P3H2: variants seen among roughly 807,000 people sequenced by gnomAD.
The protein encoded by P3H2 is leprecan-like 1.
In P3H2, 80 loss-of-function variants were observed where a neutral mutation model predicts 87.0. The observed-to-expected ratio is 0.92, with a 90% CI of 0.77 to 1.11. P3H2 has a LOEUF of 1.11. Among genes scored for constraint, P3H2 ranks in the 50% least tolerant of loss-of-function variants. The pLI is 0.00. For missense variants in P3H2, 1,001 were observed against 923.9 expected (o/e 1.08, Z -1.08); for synonymous variants, 367 against 359.3 (o/e 1.02, Z -0.24).
chr3:190,004,422 G>C (rs1260382557), intron 1 of P3H2, among the ~76,000 whole-genome samples: 2 of 151,838 alleles, frequency 1.3e-5, no homozygotes, highest in Non-Finnish European at 2.9e-5. Context: ...TCGCTCTGTC[G>C]CCCAGGCTGG....
At chr3:190,096,269 G>A (rs1306641476) in intron 1 of P3H2, among the ~76,000 whole-genome samples, 1 of 152,174 alleles carries the variant, frequency 6.6e-6, no homozygotes, top group African/African-American at 2.4e-5. Context: ...ATGTTGAACT[G>A]GAGAAGGGGC....
intron 1 of P3H2, among the ~76,000 whole-genome samples, chr3:190,044,730 T>A (rs1725746214): frequency 6.6e-6 from 1 of 152,162 alleles, no homozygotes; most frequent in African/African-American, 2.4e-5. Context: ...TGATTGTACT[T>A]GGAAAGTGAA....
chr3:190,069,025 G>T (rs2108971678), intron 1 of P3H2, among the ~76,000 whole-genome samples: 1 of 152,198 alleles, frequency 6.6e-6, no homozygotes, highest in Middle Eastern at 3.4e-3. Flanking sequence ...TATGAGTGAG[G>T]TCAGTATTTT....
Position 190,078,636 on chromosome 3 carries a change from T to C in P3H2, c.480+41616A>G, listed in dbSNP as rs79557671. ...AGACATACTATGACCCAATGGCATATATATTCACAAACTGGAAAAGGACAC... is the reference window on the plus strand; with the variant it reads ...AGACATACTATGACCCAATGGCATACATATTCACAAACTGGAAAAGGACAC... On this transcript the variant is annotated intron_variant, in intron 1 of 14. Coordinates refer to ENST00000319332, the MANE Select transcript of P3H2 (RefSeq NM_018192.4). Among the ~76,000 whole-genome samples the C allele has an allele frequency of 3.5e-3, 532 of 152,302 alleles. 3 individuals are homozygous for C. The highest frequency in any genetic ancestry group is 0.012 in the African/African-American group (501 of 41,552).
At chr3:190,021,928 G>A (rs1414620236) in intron 1 of P3H2, among the ~76,000 whole-genome samples, 1 of 134,886 alleles carries the variant, frequency 7.4e-6, no homozygotes, top group Admixed American at 7.5e-5. Flanking sequence ...GACATTACAG[G>A]ACAGTTCTTA....
intron 8 of P3H2, among the ~76,000 whole-genome samples, chr3:189,982,120 A>G (rs1723555315): frequency 6.6e-6 from 1 of 152,160 alleles, no homozygotes; most frequent in Non-Finnish European, 1.5e-5. Context: ...TATATTTTTG[A>G]TATCTACACA....
chr3:190,074,819 A>C (rs1480842191), intron 1 of P3H2, among the ~76,000 whole-genome samples: 1 of 152,238 alleles, frequency 6.6e-6, no homozygotes, highest in Non-Finnish European at 1.5e-5. Flanking sequence ...ATAGATTATA[A>C]AAATAAAATT....
Position 189,974,627 on chromosome 3 carries a change from C to T in P3H2, c.1383G>A (p.Gly461=). The change falls in exon 9 of 15, where the codon GGG becomes GGA. Residue 461 remains glycine, a synonymous_variant. Coordinates refer to ENST00000319332, the MANE Select transcript of P3H2 (RefSeq NM_018192.4). ...TFVYNSEQLN[G]TQRVLLDNVL... ...CGTTATCCAGGAGAACCCGCTGAGTCCCGTTCAGCTGCTCCGAGTTGTAGA... is the reference window on the plus strand; with the variant it reads ...CGTTATCCAGGAGAACCCGCTGAGTTCCGTTCAGCTGCTCCGAGTTGTAGA... 6.2e-7 allele frequency: 1 copy of T among 1,614,180 alleles called. No homozygotes were observed. The highest frequency in any genetic ancestry group is 8.5e-7 in the Non-Finnish European group (1 of 1,180,030).
chr3:189,974,005 CT>C lies in P3H2; in HGVS notation c.1453-2del. On this transcript the variant is annotated splice_acceptor_variant, in intron 9 of 14. Transcript: ENST00000319332. LOFTEE classifies it high-confidence loss of function. Reference sequence around the variant, plus strand: ...ATCCATCACCAACAAGCATGATTCCCTGGAAGCAAATACAAGAAGATACGTC... The same window carrying C: ...ATCCATCACCAACAAGCATGATTCCCGGAAGCAAATACAAGAAGATACGTC... 1 of 1,611,508 alleles carries C rather than the reference CT, an allele frequency of 6.2e-7. No homozygotes were observed. The highest frequency in any genetic ancestry group is 1.1e-5 in the South Asian group (1 of 91,040).
intron 2 of P3H2, 120 bp downstream of exon 2, chr3:189,995,170 G>T: frequency 1.1e-6 from 1 of 930,952 alleles, no homozygotes; most frequent in Non-Finnish European, 1.6e-6. Flanking sequence ...GTCCAAAAAT[G>T]TTACTAAAAT....
At chr3:190,029,307 T>A (rs1725182056) in intron 1 of P3H2, among the ~76,000 whole-genome samples, 1 of 152,202 alleles carries the variant, frequency 6.6e-6, no homozygotes, top group Non-Finnish European at 1.5e-5. Flanking sequence ...ACAAAGAAGA[T>A]TTTAAGAATT....
At chr3:190,060,761 C>T (rs971758356) in intron 1 of P3H2, among the ~76,000 whole-genome samples, 1 of 152,044 alleles carries the variant, frequency 6.6e-6, no homozygotes, top group African/African-American at 2.4e-5. Context: ...CTTAAAAGAA[C>T]TTCTGAGAAT....
chr3:189,994,540 T>C (rs1723987088), intron 2 of P3H2, among the ~76,000 whole-genome samples: 1 of 152,154 alleles, frequency 6.6e-6, no homozygotes, highest in Admixed American at 6.5e-5. Context: ...GTCGTTTTTT[T>C]CCTTAGCACA....
chr3:190,033,527 A>T (rs1445294191), intron 1 of P3H2, among the ~76,000 whole-genome samples: 1 of 152,086 alleles, frequency 6.6e-6, no homozygotes, highest in African/African-American at 2.4e-5. Flanking sequence ...AAGAAAACTT[A>T]TGATTTTTTT....
intron 1 of P3H2, among the ~76,000 whole-genome samples, chr3:190,100,238 G>GCCCCCC (rs776308851): frequency 1.5e-5 from 1 of 67,242 alleles, no homozygotes; most frequent in Non-Finnish European, 2.9e-5. Context: ...TCCGTCCCCC[G>GCCCCCC]CCCCCCCCGC....
intron 1 of P3H2, among the ~76,000 whole-genome samples, chr3:190,114,835 T>C (rs1465689373): frequency 6.6e-6 from 1 of 152,214 alleles, no homozygotes; most frequent in Non-Finnish European, 1.5e-5. Flanking sequence ...AATCTTCTAT[T>C]TGAAATAATT....
Position 189,970,796 on chromosome 3 carries a change from T to A in P3H2, c.1893+20A>T. 7.0e-7 allele frequency: 1 copy of A among 1,437,492 alleles called. No individual in the cohort carries two copies. Among genetic ancestry groups the A allele is most frequent in the Non-Finnish European group, 9.8e-7 (1 of 1,019,410 alleles). 89.0% of individuals were successfully genotyped at this position (1,437,492 alleles called of 1,614,324 possible). A position where few individuals can be genotyped will look rare whatever the true frequency, so the allele number is the denominator to read the frequency against. Reference sequence around the variant, plus strand: ...GAGCTAAAACATACTAAATAAGTATTCAAGAATAGGTTTACTTACAGTCAC... The same window carrying A: ...GAGCTAAAACATACTAAATAAGTATACAAGAATAGGTTTACTTACAGTCAC... On this transcript the variant is annotated intron_variant, in intron 13 of 14. Coordinates refer to ENST00000319332, the MANE Select transcript of P3H2 (RefSeq NM_018192.4).
intron 3 of P3H2, among the ~76,000 whole-genome samples, chr3:189,989,292 C>T (rs1369558342): frequency 6.6e-6 from 1 of 152,218 alleles, no homozygotes; most frequent in African/African-American, 2.4e-5. Context: ...CTACACCTCA[C>T]TTTTCCCTTC....
At chr3:189,993,700 C>T (rs530644221) in intron 3 of P3H2, among the ~76,000 whole-genome samples, 4 of 152,160 alleles carry the variant, frequency 2.6e-5, no homozygotes, top group South Asian at 2.1e-4. Context: ...AATTATGATG[C>T]GTTTATATAA....
Sources: allele counts gnomAD v4.1 joint callset (sites outside exome capture counted in the v4.1 genomes callset), GRCh38; gene constraint gnomAD v4.1.1; transcripts MANE v1.5; gene names NCBI Gene and HGNC (gene_info 2026-07-23, HGNC 2026-07-21).